Variants in TCF7L1 observed in about 807,000 individuals in gnomAD.
The protein encoded by TCF7L1 is transcription factor 7-like 1.
In TCF7L1, 18 loss-of-function variants were observed where a neutral mutation model predicts 63.7. The observed-to-expected ratio is 0.28, with a 90% CI of 0.20 to 0.42. The LOEUF is 0.42. Ranked by LOEUF, TCF7L1 falls within the 10% of genes least tolerant of loss-of-function variation. The pLI, the probability that TCF7L1 is intolerant of heterozygous loss-of-function variation, is 1.00. For synonymous variants in TCF7L1, 355 were observed against 340.9 expected (o/e 1.04, Z -0.46); for missense variants, 654 against 779.3 (o/e 0.84, Z 1.91).
chr2:85,179,605 TC>T (rs1452894185), intron 3 of TCF7L1, among the ~76,000 whole-genome samples: 1 of 152,126 alleles, frequency 6.6e-6, no homozygotes, highest in Non-Finnish European at 1.5e-5. Flanking sequence ...TCTGGCTAAG[TC>T]CTGGAGCTGA....
At position 85,236,977 on chromosome 2, in the gene TCF7L1, C is replaced by T. The variant is rs181652192; in HGVS notation, c.442-46518C>T. On this transcript the variant is annotated intron_variant, in intron 3 of 11. Transcript: ENST00000282111. ...CCAGGTCACTGTCGTAAGCTCTTTT[C>T]TTGGAACTCTGATCTCAGATAACCT... Among the ~76,000 whole-genome samples the T allele has an allele frequency of 3.9e-5, 6 of 152,286 alleles. No homozygotes were observed. The East Asian group carries it at 9.7e-4, about 25-fold the overall frequency.
intron 3 of TCF7L1, among the ~76,000 whole-genome samples, chr2:85,272,918 G>T (rs539738704): frequency 1.3e-5 from 2 of 152,244 alleles, no homozygotes; most frequent in African/African-American, 2.4e-5. Context: ...ATGTCATGTG[G>T]CAGTTCAAAA....
At chr2:85,236,358 A>G (rs1361483226) in intron 3 of TCF7L1, among the ~76,000 whole-genome samples, 1 of 151,864 alleles carries the variant, frequency 6.6e-6, no homozygotes, top group African/African-American at 2.4e-5. Context: ...GTTGTCCTGG[A>G]CTCCAGGAGA....
chr2:85,233,745 A>T (rs1457316271), intron 3 of TCF7L1: 1 of 152,180 alleles, frequency 6.6e-6, no homozygotes, highest in Non-Finnish European at 1.5e-5. Flanking sequence ...GTGAGCCCCA[A>T]ACCCTGGCAA....
At chr2:85,137,261 A>G (rs531443880) in intron 3 of TCF7L1, among the ~76,000 whole-genome samples, 1 of 152,296 alleles carries the variant, frequency 6.6e-6, no homozygotes, top group South Asian at 2.1e-4. Flanking sequence ...CACTGGCATA[A>G]TTCCTGCTGA....
rs145537947 is a variant in TCF7L1 at position 85,240,669 on chromosome 2, G to C, written c.442-42826G>C. On this transcript the variant is annotated intron_variant, in intron 3 of 11. Transcript: ENST00000282111. ...ATGGTGGCGAGTGCCTGTAATCCCA[G>C]CTACTCTGAGGCAGGAGAATCGCTT... is the stretch of plus-strand genomic sequence containing the variant. Among the ~76,000 whole-genome samples, 312 of 151,198 alleles carry C rather than the reference G, an allele frequency of 2.1e-3. 1 individual carries two copies. The highest frequency in any genetic ancestry group is 7.4e-3 in the African/African-American group (302 of 41,050).
At position 85,201,720 on chromosome 2, in the gene TCF7L1, G is replaced by A. The variant is rs115385669; in HGVS notation, c.441+67270G>A. On this transcript the variant is annotated intron_variant, in intron 3 of 11. Coordinates refer to ENST00000282111, the MANE Select transcript of TCF7L1 (RefSeq NM_031283.3). ...GCTACACCATTTTACATTGCCATCA[G>A]CAGTGTATGAGGGTTCCGGTTTCTC... Among the ~76,000 whole-genome samples the A allele has an allele frequency of 8.4e-3, 1,285 of 152,162 alleles. 11 individuals carry two copies. Among genetic ancestry groups the A allele is most frequent in the Non-Finnish European group, 0.014 (941 of 67,978 alleles).
At chr2:85,298,752 C>G (rs1681893021) in intron 4 of TCF7L1, among the ~76,000 whole-genome samples, 1 of 152,164 alleles carries the variant, frequency 6.6e-6, no homozygotes, top group Middle Eastern at 3.4e-3. Flanking sequence ...TGGGGTTATC[C>G]ACAGAGGGGT....
intron 3 of TCF7L1, among the ~76,000 whole-genome samples, chr2:85,192,396 T>A (rs551116050): frequency 3.3e-5 from 5 of 152,280 alleles, no homozygotes; most frequent in Admixed American, 6.5e-5. Flanking sequence ...ATTTTATTTT[T>A]TTTTTATTTA....
intron 3 of TCF7L1, among the ~76,000 whole-genome samples, chr2:85,154,441 A>C (rs1678094109): frequency 6.6e-6 from 1 of 151,368 alleles, no homozygotes; most frequent in Non-Finnish European, 1.5e-5. Context: ...CAGGCCTTTA[A>C]CATGCCAGTG....
intron 3 of TCF7L1, among the ~76,000 whole-genome samples, chr2:85,146,448 C>T (rs187343782): frequency 6.6e-6 from 1 of 151,808 alleles, no homozygotes; most frequent in African/African-American, 2.4e-5. Context: ...TGAGTAACAT[C>T]CCTCAGCATA....
At position 85,309,638 on chromosome 2, in the gene TCF7L1, C is replaced by T. The variant is rs958519436; in HGVS notation, c.*176C>T. On this transcript the variant is annotated 3_prime_UTR_variant, in exon 12 of 12. Transcript: ENST00000282111. ...ATGTAACCAGTAGCTGATCTTAAGGCTTTTTTAAAAAACAAAACAAAACAA... is the reference window on the plus strand; with the variant it reads ...ATGTAACCAGTAGCTGATCTTAAGGTTTTTTTAAAAAACAAAACAAAACAA... 1 of 534,512 alleles carries T rather than the reference C, an allele frequency of 1.9e-6. No homozygotes were observed. The highest frequency in any genetic ancestry group is 5.4e-5 in the South Asian group (1 of 18,374). The allele number at this position is 534,512 out of a possible 1,614,324, so 33.1% of individuals were successfully genotyped here. A position where few individuals can be genotyped will look rare whatever the true frequency, so the allele number is the denominator to read the frequency against.
At chr2:85,148,923 C>T (rs139812737) in intron 3 of TCF7L1, among the ~76,000 whole-genome samples, 183 of 152,014 alleles carry the variant, frequency 1.2e-3, no homozygotes, top group African/African-American at 4.0e-3. Flanking sequence ...GAATTATAGG[C>T]GCCTGCCACC....
chr2:85,182,966 G>A (rs2583545), intron 3 of TCF7L1, among the ~76,000 whole-genome samples: 61,286 of 152,004 alleles, frequency 0.4, 13,071 homozygotes, highest in African/African-American at 0.52. Context: ...TCCAGGGAGC[G>A]CACTGAGAAT....
chr2:85,188,242 A>G (rs1023321039), intron 3 of TCF7L1, among the ~76,000 whole-genome samples: 4 of 152,286 alleles, frequency 2.6e-5, no homozygotes, highest in East Asian at 1.9e-4. Context: ...ACATGTGACA[A>G]AATTACATAG....
chr2:85,219,403 A>G (rs1188759979), intron 3 of TCF7L1, among the ~76,000 whole-genome samples: 1 of 151,866 alleles, frequency 6.6e-6, no homozygotes, highest in East Asian at 1.9e-4. Flanking sequence ...ACATGAGCAC[A>G]AGGGACATGA....
At chr2:85,279,160 C>T (rs1681355333) in intron 3 of TCF7L1, among the ~76,000 whole-genome samples, 1 of 152,324 alleles carries the variant, frequency 6.6e-6, no homozygotes, top group East Asian at 1.9e-4. Flanking sequence ...CATTACCATG[C>T]AAAGAATCTA....
chr2:85,248,224 G>T (rs1209613190), intron 3 of TCF7L1, among the ~76,000 whole-genome samples: 1 of 152,164 alleles, frequency 6.6e-6, no homozygotes, highest in East Asian at 1.9e-4. Context: ...TGTGACTTTG[G>T]GGGCTCTCTG....
intron 3 of TCF7L1, among the ~76,000 whole-genome samples, chr2:85,243,442 C>A (rs1308314159): frequency 2.0e-5 from 3 of 152,082 alleles, no homozygotes; most frequent in Admixed American, 6.6e-5. Flanking sequence ...GACATAATGG[C>A]CCCCTCTGTG....
Sources: allele counts gnomAD v4.1 joint callset (sites outside exome capture counted in the v4.1 genomes callset), GRCh38; gene constraint gnomAD v4.1.1; transcripts MANE v1.5; gene names NCBI Gene and HGNC (gene_info 2026-07-23, HGNC 2026-07-21).